Variants in CNTNAP2 observed in about 807,000 individuals in gnomAD.
CNTNAP2 encodes contactin-associated protein-like 2.
A neutral mutation model predicts 155.2 loss-of-function variants in CNTNAP2; 98 were observed. The observed-to-expected ratio is 0.63, with a 90% CI of 0.54 to 0.75. The LOEUF is 0.75. CNTNAP2 is among the 30% of genes least tolerant of loss of function. The pLI, the probability that CNTNAP2 is intolerant of heterozygous loss-of-function variation, is 0.00. For synonymous variants in CNTNAP2, 651 were observed against 631.2 expected (o/e 1.03, Z -0.47); for missense variants, 1,727 against 1,688.1 (o/e 1.02, Z -0.40).
chr7:148,166,566 T>G (rs765849757), intron 17 of CNTNAP2, among the ~76,000 whole-genome samples: 3 of 152,202 alleles, frequency 2.0e-5, no homozygotes, highest in Non-Finnish European at 4.4e-5. Flanking sequence ...TTTGTCCCAG[T>G]CTTCTGTGCA....
intron 13 of CNTNAP2, among the ~76,000 whole-genome samples, chr7:147,701,466 T>A (rs1026115631): frequency 6.6e-6 from 1 of 152,174 alleles, no homozygotes; most frequent in Non-Finnish European, 1.5e-5. Context: ...GATATTTCAA[T>A]TTTTTTAGAA....
At chr7:146,669,510 A>C (rs1800259300) in intron 1 of CNTNAP2, among the ~76,000 whole-genome samples, 1 of 152,210 alleles carries the variant, frequency 6.6e-6, no homozygotes, top group Admixed American at 6.5e-5. Context: ...AACAAATGCA[A>C]AAATTCTGTT....
At chr7:147,270,766 C>T (rs568474588) in intron 8 of CNTNAP2, among the ~76,000 whole-genome samples, 1 of 152,328 alleles carries the variant, frequency 6.6e-6, no homozygotes, top group Non-Finnish European at 1.5e-5. Flanking sequence ...GCCCTTAAGC[C>T]TCTGGTAAGC....
chr7:147,575,106 A>AATATGT (rs761989826), intron 12 of CNTNAP2, among the ~76,000 whole-genome samples: 2,438 of 108,266 alleles, frequency 0.023, 107 homozygotes, highest in African/African-American at 0.044. Context: ...CTTTGTGGGA[A>AATATGT]ATGTGTGTGT....
At chr7:146,589,744 TA>T (rs397765110) in intron 1 of CNTNAP2, among the ~76,000 whole-genome samples, 1 of 148,874 alleles carries the variant, frequency 6.7e-6, no homozygotes, top group Non-Finnish European at 1.5e-5. Context: ...ATGTAGAGTA[TA>T]AAAAAAAAAG....
intron 1 of CNTNAP2, among the ~76,000 whole-genome samples, chr7:146,193,913 TTTCACAAA>T (rs1330811105): frequency 6.6e-6 from 1 of 152,298 alleles, no homozygotes; most frequent in East Asian, 1.9e-4. Flanking sequence ...AAGTTCAAAG[TTTCACAAA>T]TCTCTAGGGC....
chr7:146,625,615 A>G (rs1434606280), intron 1 of CNTNAP2, among the ~76,000 whole-genome samples: 1 of 152,074 alleles, frequency 6.6e-6, no homozygotes, highest in Non-Finnish European at 1.5e-5. Context: ...TAAAAGACGC[A>G]TTTTAAGAAT....
At chr7:146,723,878 A>T (rs1801381951) in intron 1 of CNTNAP2, among the ~76,000 whole-genome samples, 1 of 152,174 alleles carries the variant, frequency 6.6e-6, no homozygotes, top group Non-Finnish European at 1.5e-5. Flanking sequence ...CTCAGGTCTT[A>T]TAGTAGTGTG....
chr7:146,641,064 T>C (rs938761319), intron 1 of CNTNAP2, among the ~76,000 whole-genome samples: 2 of 152,136 alleles, frequency 1.3e-5, no homozygotes. Context: ...CGGTGGCTCG[T>C]GCCTATAATC....
chr7:148,051,140 G>GC (rs1432082189), intron 15 of CNTNAP2, among the ~76,000 whole-genome samples: 2 of 152,118 alleles, frequency 1.3e-5, no homozygotes, highest in East Asian at 3.8e-4. Flanking sequence ...ATAAGTTTGT[G>GC]ATAATTCAAT....
rs1311791040 is a variant in CNTNAP2, at chr7:146,648,686, T to C, written c.98-125585T>C. On this transcript the variant is annotated intron_variant, in intron 1 of 23. Transcript: ENST00000361727. ...TTCCCCAATGTGTAATGCATATTTA[T>C]AACCTACAGAACAAAAAACACAATC... is the stretch of plus-strand genomic sequence containing the variant. 2.6e-5 allele frequency among the ~76,000 whole-genome samples: 4 copies of C among 152,116 alleles called. 1 individual carries two copies. Among genetic ancestry groups the C allele is most frequent in the Non-Finnish European group, 5.9e-5 (4 of 67,984 alleles).
At chr7:146,728,549 A>G (rs1250734957) in intron 1 of CNTNAP2, among the ~76,000 whole-genome samples, 1 of 151,994 alleles carries the variant, frequency 6.6e-6, no homozygotes, top group African/African-American at 2.4e-5. Flanking sequence ...GTATACCTGA[A>G]TCAAAACATC....
At chr7:147,702,034 A>G (rs1321068021) in intron 13 of CNTNAP2, among the ~76,000 whole-genome samples, 2 of 149,338 alleles carry the variant, frequency 1.3e-5, no homozygotes, top group East Asian at 3.9e-4. Context: ...TAACCAGGAG[A>G]CCATCAAATC....
At chr7:148,205,786 G>A (rs535264498) in intron 18 of CNTNAP2, among the ~76,000 whole-genome samples, 7 of 152,112 alleles carry the variant, frequency 4.6e-5, no homozygotes, top group African/African-American at 1.7e-4. Context: ...AATTCCATTC[G>A]GCTCAACTCA....
chr7:146,246,168 A>G (rs570210627), intron 1 of CNTNAP2, among the ~76,000 whole-genome samples: 46 of 151,712 alleles, frequency 3.0e-4, no homozygotes, highest in Middle Eastern at 3.4e-3. Context: ...GGTTTTAATG[A>G]GATGGTAAGG....
intron 1 of CNTNAP2, among the ~76,000 whole-genome samples, chr7:146,729,397 G>A (rs1801486111): frequency 1.3e-5 from 2 of 152,088 alleles, no homozygotes; most frequent in African/African-American, 4.8e-5. Flanking sequence ...AAAGGCAAGA[G>A]GATGTACACA....
intron 1 of CNTNAP2, among the ~76,000 whole-genome samples, chr7:146,247,522 G>A (rs1473593536): frequency 2.0e-5 from 3 of 152,066 alleles, no homozygotes; most frequent in African/African-American, 7.2e-5. Flanking sequence ...AGGGAAAGAA[G>A]GAAGATTTGG....
At chr7:146,730,426 A>G (rs937960438) in intron 1 of CNTNAP2, among the ~76,000 whole-genome samples, 2 of 152,174 alleles carry the variant, frequency 1.3e-5, no homozygotes, top group Non-Finnish European at 2.9e-5. Flanking sequence ...GTACACATCC[A>G]ATAAATGTCC....
chr7:146,865,589 T>C (rs1161205772), intron 3 of CNTNAP2, among the ~76,000 whole-genome samples: 1 of 152,088 alleles, frequency 6.6e-6, no homozygotes, highest in Non-Finnish European at 1.5e-5. Context: ...GAAAATGATA[T>C]CCATATGGAG....
Sources: gnomAD v4.1 joint callset for allele counts (sites outside exome capture counted in the v4.1 genomes callset) on GRCh38, gnomAD v4.1.1 for gene constraint, MANE v1.5 for transcripts, NCBI Gene and HGNC (gene_info 2026-07-23, HGNC 2026-07-21) for gene names.